TMEM164: variants seen among roughly 807,000 people sequenced by gnomAD.
TMEM164 encodes the protein RP13-360B22.2.
TMEM164 carries 4 observed loss-of-function variants against 18.8 expected under a neutral mutation model. The observed-to-expected ratio is 0.21, with a 90% confidence interval of 0.10 to 0.49. The LOEUF (loss-of-function observed/expected upper bound fraction) is 0.49, where lower values mean the gene tolerates loss of function less well. Ranked by LOEUF, TMEM164 falls within the 20% of genes least tolerant of loss-of-function variation. The probability of loss-of-function intolerance (pLI) is 0.98; values close to 1 mark genes in which losing one functional copy is unlikely to be tolerated. For missense variants in TMEM164, 108 were observed against 239.9 expected, an observed-to-expected ratio of 0.45 and a Z score of 3.63; for synonymous variants, 86 against 101.7, an observed-to-expected ratio of 0.85 and a Z score of 0.93.
At chrX:110,005,176 C>T (rs1932619449) in intron 2 of TMEM164, among the ~76,000 whole-genome samples, 1 of 112,233 alleles carries the variant, frequency 8.9e-6, no homozygotes, top group African/African-American at 3.2e-5. Flanking sequence ...ATCTTTACTG[C>T]CTTTATGTTT....
At chrX:110,118,421 A>T (rs994686888) in intron 4 of TMEM164, among the ~76,000 whole-genome samples, 3 of 108,251 alleles carry the variant, frequency 2.8e-5, no homozygotes, top group African/African-American at 1.1e-4. Flanking sequence ...CAAACCCCTC[A>T]TGTTACACAA....
chrX:110,149,251 C>G (rs1301892889), intron 5 of TMEM164, among the ~76,000 whole-genome samples: 5 of 111,645 alleles, frequency 4.5e-5, no homozygotes, highest in Admixed American at 9.5e-5. Context: ...ATACATGGTG[C>G]ATAACTTTGG....
chrX:110,057,811 C>CAG (rs1381038663), intron 2 of TMEM164, among the ~76,000 whole-genome samples: 1 of 111,269 alleles, frequency 9.0e-6, no homozygotes, highest in Non-Finnish European at 1.9e-5. Flanking sequence ...AATGTCTATT[C>CAG]AGATCCTTTG....
chrX:110,092,500 G>T (rs1198183481), intron 3 of TMEM164, among the ~76,000 whole-genome samples: 2 of 111,365 alleles, frequency 1.8e-5, no homozygotes, highest in South Asian at 3.7e-4. Context: ...TCATGATTTG[G>T]CTCTCTGTTT....
At chrX:110,041,058 A>C in intron 2 of TMEM164, among the ~76,000 whole-genome samples, 1 of 111,979 alleles carries the variant, frequency 8.9e-6, no homozygotes, top group Non-Finnish European at 1.9e-5. Flanking sequence ...GGAAAAGTAG[A>C]TTGTTTCTTT....
intron 4 of TMEM164, among the ~76,000 whole-genome samples, chrX:110,122,323 G>T (rs1418852749): frequency 9.5e-6 from 1 of 105,223 alleles, no homozygotes; most frequent in Non-Finnish European, 1.9e-5. Flanking sequence ...ACTATCGCAA[G>T]AACAAAAAAC....
chrX:110,123,948 C>CA (rs2066487153), intron 4 of TMEM164, among the ~76,000 whole-genome samples: 1 of 111,180 alleles, frequency 9.0e-6, no homozygotes, highest in African/African-American at 3.3e-5. Context: ...CGGTCTCTAC[C>CA]AAAATTTTTT....
At chrX:110,015,583 G>A (rs1020562489) in intron 2 of TMEM164, among the ~76,000 whole-genome samples, 41 of 110,127 alleles carry the variant, frequency 3.7e-4, no homozygotes, top group African/African-American at 8.3e-4. Context: ...GTGTGTGTGC[G>A]CGCCTGTCAC....
chrX:110,135,349 G>C (rs1020329151), intron 4 of TMEM164, among the ~76,000 whole-genome samples: 9 of 111,683 alleles, frequency 8.1e-5, no homozygotes, highest in African/African-American at 2.9e-4. Flanking sequence ...ACATCTTCCA[G>C]AGTGTTTTTT....
intron 4 of TMEM164, among the ~76,000 whole-genome samples, chrX:110,118,827 C>A (rs888949937): frequency 4.5e-5 from 5 of 111,635 alleles, no homozygotes; most frequent in African/African-American, 1.6e-4. Flanking sequence ...ACATTTGATT[C>A]ATTGTGAATT....
At chrX:110,108,849 G>C (rs2066251258) in intron 3 of TMEM164, among the ~76,000 whole-genome samples, 1 of 112,141 alleles carries the variant, frequency 8.9e-6, no homozygotes, top group Non-Finnish European at 1.9e-5. Context: ...GTATGTTCAG[G>C]AAGTGTTCAG....
intron 2 of TMEM164, among the ~76,000 whole-genome samples, chrX:110,061,799 G>C (rs1007940381): frequency 9.0e-6 from 1 of 111,479 alleles, no homozygotes; most frequent in African/African-American, 3.3e-5. Context: ...CAGAATGGGC[G>C]TTTAACCGTG....
intron 2 of TMEM164, among the ~76,000 whole-genome samples, chrX:110,012,204 G>A (rs1933047201): frequency 8.9e-6 from 1 of 112,014 alleles, no homozygotes. Flanking sequence ...GTCCACAGCA[G>A]CACTAATGAA....
chrX:110,155,427 T>C (rs1048136291), intron 5 of TMEM164, among the ~76,000 whole-genome samples: 3 of 111,182 alleles, frequency 2.7e-5, no homozygotes, highest in Middle Eastern at 4.6e-3. Flanking sequence ...CTCTGTTTCC[T>C]GTCTTGGTTA....
chrX:110,003,456 C>G (rs1165436839), intron 1 of TMEM164, 45 bp from the exon 2 acceptor site: 2 of 214,878 alleles, frequency 9.3e-6, no homozygotes, highest in East Asian at 8.0e-5. Flanking sequence ...GTGCAATTGC[C>G]TCTTTGAGAC....
intron 5 of TMEM164, among the ~76,000 whole-genome samples, chrX:110,163,240 C>G (rs2067115669): frequency 8.9e-6 from 1 of 111,975 alleles, no homozygotes. Flanking sequence ...AGGGAGTATA[C>G]CAGTGCTGTC....
intron 2 of TMEM164, among the ~76,000 whole-genome samples, chrX:110,044,785 T>C (rs1935251181): frequency 9.2e-6 from 1 of 108,467 alleles, no homozygotes; most frequent in Non-Finnish European, 1.9e-5. Flanking sequence ...TCAGTGTTTC[T>C]TTGTTTTCTC....
chrX:110,046,343 A>G (rs1272749257), intron 2 of TMEM164: 1 of 752,607 alleles, frequency 1.3e-6, no homozygotes, highest in East Asian at 1.5e-4. Context: ...CCTTTTGCTT[A>G]TTCCTCTTTC....
chrX:110,167,839 T>A (rs992900257), intron 5 of TMEM164, among the ~76,000 whole-genome samples: 1 of 111,621 alleles, frequency 9.0e-6, no homozygotes, highest in Non-Finnish European at 1.9e-5. Flanking sequence ...CAGCACAGAA[T>A]GAATGCTACT....
Sources: gnomAD v4.1 joint callset for allele counts (sites outside exome capture counted in the v4.1 genomes callset) on GRCh38, gnomAD v4.1.1 for gene constraint, MANE v1.5 for transcripts, NCBI Gene and HGNC (gene_info 2026-07-23, HGNC 2026-07-21) for gene names.